The following TAOK1 variants were observed in gnomAD, a reference collection of about 807,000 sequenced individuals.
The protein encoded by TAOK1 is serine/threonine-protein kinase TAO1.
A neutral mutation model predicts 138.3 loss-of-function variants in TAOK1; 21 were observed. The ratio of observed to expected loss-of-function variants is 0.15; its 90% confidence interval spans 0.11 to 0.22. The LOEUF (loss-of-function observed/expected upper bound fraction) is 0.22. Ranked by LOEUF, TAOK1 falls within the 10% of genes least tolerant of loss-of-function variation. The probability of loss-of-function intolerance (pLI) is 1.00; values close to 1 mark genes in which losing one functional copy is unlikely to be tolerated. For missense variants in TAOK1, 651 were observed against 1,227.7 expected (o/e 0.53, Z 7.02); for synonymous variants, 361 against 398.4 (o/e 0.91, Z 1.12).
At chr17:29,537,502 A>G (rs926275237) in intron 19 of TAOK1, among the ~76,000 whole-genome samples, 3 of 112,036 alleles carry the variant, frequency 2.7e-5, no homozygotes, top group Non-Finnish European at 5.2e-5. Context: ...CACCATGACC[A>G]CTGATTTTTT....
rs531700031 is a variant in TAOK1, at chr17:29,528,168, G to C, written c.2149-2239G>C. On this transcript the variant is annotated intron_variant, in intron 17 of 19. Transcript: ENST00000261716. ...GGGTTCAAGCAATTCTTGTGCCTCA[G>C]CCTCTTGAGTAGCTGGGATTACAGG... 9.2e-5 allele frequency among the ~76,000 whole-genome samples: 14 copies of C among 152,222 alleles called. No homozygotes were observed. The East Asian group carries it at 2.1e-3, about 23-fold the overall frequency.
intron 1 of TAOK1, among the ~76,000 whole-genome samples, chr17:29,449,465 T>C (rs1048452312): frequency 4.6e-5 from 7 of 152,192 alleles, no homozygotes; most frequent in Non-Finnish European, 2.9e-5. Flanking sequence ...TTTATATAGT[T>C]ACAAAGAAGT....
At chr17:29,440,738 G>C (rs1280949361) in intron 1 of TAOK1, among the ~76,000 whole-genome samples, 2 of 152,026 alleles carry the variant, frequency 1.3e-5, no homozygotes, top group Non-Finnish European at 2.9e-5. Flanking sequence ...ACCTCACCCT[G>C]CTAATTTTTG....
Position 29,494,846 on chromosome 17 carries a change from A to G in TAOK1, c.832-714A>G, listed in dbSNP as rs79996144. On this transcript the variant is annotated intron_variant, in intron 10 of 19. Coordinates refer to ENST00000261716, the MANE Select transcript of TAOK1 (RefSeq NM_020791.4). ...GTCTCAAAAAAAAAAAAAAAAAAAA[A>G]AAGAATTCAAGGATATTTCGTAGAA... is the stretch of plus-strand genomic sequence containing the variant. Among the ~76,000 whole-genome samples, 1,019 of 151,682 alleles carry G rather than the reference A, an allele frequency of 6.7e-3. 12 individuals are homozygous for G. Among genetic ancestry groups the G allele is most frequent in the African/African-American group, 0.024 (974 of 41,242 alleles).
Position 29,467,167 on chromosome 17 carries a change from A to G in TAOK1, c.155A>G (p.Glu52Gly). The stretch of plus-strand genomic sequence containing the variant: ...TAGGCACGAGATGTGCGTACCAATG[A>G]AGTGGTGGCCATCAAGAAAATGTCT... The part of the protein sequence containing the change: ...VYFARDVRTN[E>G]VVAIKKMSYS... The change falls in exon 3 of 20, where the codon GAA becomes GGA. Residue 52 changes from glutamate to glycine, a missense_variant. Glu to Gly is a moderately conservative substitution (Grantham distance 98). Coordinates refer to ENST00000261716, the MANE Select transcript of TAOK1 (RefSeq NM_020791.4). 1 of 1,604,968 alleles carries G rather than the reference A, an allele frequency of 6.2e-7. No homozygotes were observed. Among genetic ancestry groups the G allele is most frequent in the East Asian group, 2.2e-5 (1 of 44,732 alleles).
intron 1 of TAOK1, among the ~76,000 whole-genome samples, chr17:29,413,384 C>G (rs558630255): frequency 1.3e-5 from 2 of 152,136 alleles, no homozygotes; most frequent in African/African-American, 4.8e-5. Flanking sequence ...ATTGTTTGAG[C>G]TCAGGAGTTC....
rs118089562 is a variant in TAOK1 at position 29,496,406 on chromosome 17, C to T, written c.999+679C>T. Among the ~76,000 whole-genome samples the T allele has an allele frequency of 9.9e-4, 150 of 152,218 alleles. 3 individuals carry two copies. The East Asian group carries it at 0.026, about 27-fold the overall frequency. On this transcript the variant is annotated intron_variant, in intron 11 of 19. Coordinates refer to ENST00000261716, the MANE Select transcript of TAOK1 (RefSeq NM_020791.4). ...GTGCTGGGATTACAGGCATGGGCCACTGTGCCCAGCCTGAGCCCTTTTTTG... is the reference window on the plus strand; with the variant it reads ...GTGCTGGGATTACAGGCATGGGCCATTGTGCCCAGCCTGAGCCCTTTTTTG...
At chr17:29,504,555 G>A (rs796865156) in intron 13 of TAOK1, among the ~76,000 whole-genome samples, 2 of 150,882 alleles carry the variant, frequency 1.3e-5, no homozygotes, top group African/African-American at 4.9e-5. Context: ...CTGTAATCCC[G>A]GCTACTTGGG....
chr17:29,496,317 C>T (rs2586151), intron 11 of TAOK1, among the ~76,000 whole-genome samples: 57,489 of 151,756 alleles, frequency 0.38, 12,106 homozygotes, highest in Non-Finnish European at 0.48. Flanking sequence ...GGGGTTTCAC[C>T]GCATTGGCCA....
At chr17:29,429,517 C>T (rs1375148826) in intron 1 of TAOK1, among the ~76,000 whole-genome samples, 2 of 152,064 alleles carry the variant, frequency 1.3e-5, no homozygotes, top group Non-Finnish European at 2.9e-5. Flanking sequence ...CTCAAGTGAT[C>T]CGGCTACCTC....
At chr17:29,523,139 A>G (rs1341928148) in intron 17 of TAOK1, among the ~76,000 whole-genome samples, 1 of 151,990 alleles carries the variant, frequency 6.6e-6, no homozygotes, top group African/African-American at 2.4e-5. Context: ...ACATGTCAAC[A>G]AGCTTACCAT....
chr17:29,532,797 T>TC (rs1208844317), intron 18 of TAOK1, among the ~76,000 whole-genome samples: 2 of 151,362 alleles, frequency 1.3e-5, no homozygotes, highest in South Asian at 2.1e-4. Context: ...TCCCTACCTT[T>TC]CCCCCCTTTC....
At chr17:29,488,351 A>G (rs2031215935) in intron 8 of TAOK1, among the ~76,000 whole-genome samples, 1 of 152,102 alleles carries the variant, frequency 6.6e-6, no homozygotes, top group South Asian at 2.1e-4. Flanking sequence ...CGGGTAGATC[A>G]CCTGAGGTTG....
chr17:29,402,989 G>A (rs975142325), intron 1 of TAOK1, among the ~76,000 whole-genome samples: 2 of 149,326 alleles, frequency 1.3e-5, no homozygotes, highest in Non-Finnish European at 3.0e-5. Context: ...GCAAAACTTA[G>A]TCTCAAAAAA....
intron 1 of TAOK1, among the ~76,000 whole-genome samples, chr17:29,422,774 C>G (rs76221021): frequency 6.6e-6 from 1 of 152,146 alleles, no homozygotes; most frequent in East Asian, 1.9e-4. Context: ...GCCTATAATC[C>G]CAGCACTTTG....
Position 29,451,616 on chromosome 17 carries a change from A to C in TAOK1, c.68A>C (p.Asp23Ala). The C allele has an allele frequency of 1.9e-6, 3 of 1,614,036 alleles. No homozygotes were observed. Among genetic ancestry groups the C allele is most frequent in the Non-Finnish European group, 2.5e-6 (3 of 1,179,976 alleles). Residue 23 changes from aspartate to alanine, a missense_variant, in exon 2 of 20, where the codon GAT becomes GCT. Asp to Ala is a moderately radical substitution (Grantham distance 126). Around this residue, in one of 8 missense-constraint regions of TAOK1, gnomAD observed 116 missense variants for 213.9 expected, o/e 0.54. Coordinates refer to ENST00000261716, the MANE Select transcript of TAOK1 (RefSeq NM_020791.4). ...ATTGCAGAGCTCTTCTTCAAAGAAGATCCAGAGAAGCTCTTCACAGATCTC... is the reference window on the plus strand; with the variant it reads ...ATTGCAGAGCTCTTCTTCAAAGAAGCTCCAGAGAAGCTCTTCACAGATCTC... ...PEIAELFFKE[D>A]PEKLFTDLRE...
At chr17:29,455,941 TTATC>T (rs2030366557) in intron 2 of TAOK1, among the ~76,000 whole-genome samples, 1 of 150,292 alleles carries the variant, frequency 6.7e-6, no homozygotes, top group Admixed American at 6.6e-5. Flanking sequence ...TGTGATGTCT[TTATC>T]TAGTGTTGGC....
intron 10 of TAOK1, 109 bp from the exon 11 acceptor site, chr17:29,495,451 A>G (rs1394294566): frequency 2.3e-6 from 2 of 852,346 alleles, no homozygotes; most frequent in Non-Finnish European, 3.4e-6. Flanking sequence ...TTATATAGCT[A>G]TAGATTACAT....
chr17:29,510,949 C>G lies in TAOK1; in HGVS notation c.1661C>G (p.Ser554Cys), dbSNP rs1312685811. ...AAAGAACTGAATAGTTTTCTCGAGT[C>G]CCAGAAAAGAGAGTATAAACTTCGA... ...QKKELNSFLE[S>C]QKREYKLRKE... The change falls in exon 15 of 20, where the codon TCC (serine) becomes TGC (cysteine). Residue 554 changes from serine (S) to cysteine (C), a missense_variant. Ser to Cys is a moderately radical substitution (Grantham distance 112). Transcript: ENST00000261716. The G allele has an allele frequency of 8.1e-6, 13 of 1,609,228 alleles. No individual in the cohort carries two copies. Among genetic ancestry groups the G allele is most frequent in the Non-Finnish European group, 1.1e-5 (13 of 1,178,142 alleles).
Sources: gnomAD v4.1 joint callset for allele counts (sites outside exome capture counted in the v4.1 genomes callset) on GRCh38, gnomAD v4.1.1 for gene constraint, gnomAD v4.1.1 regional missense constraint, MANE v1.5 for transcripts, NCBI Gene and HGNC (gene_info 2026-07-23, HGNC 2026-07-21) for gene names.